The following RGS7 variants were observed in gnomAD, a reference collection of about 807,000 sequenced individuals.
The protein encoded by RGS7 is regulator of G protein signaling 7, also known as regulator of G-protein signaling 7.
Under a neutral mutation model 81.1 loss-of-function variants are expected in RGS7, and 27 were observed. That is an observed-to-expected ratio of 0.33 (90% CI 0.25 to 0.46). RGS7 has a LOEUF of 0.46. RGS7 is among the 20% of genes least tolerant of loss of function. The pLI is 1.00. For missense variants in RGS7, 396 were observed against 607.4 expected (o/e 0.65, Z 3.66); for synonymous variants, 208 against 207.7 (o/e 1.00, Z -0.01).
intron 4 of RGS7, among the ~76,000 whole-genome samples, chr1:240,971,932 G>A (rs971807511): frequency 1.7e-4 from 26 of 152,280 alleles, no homozygotes; most frequent in Non-Finnish European, 3.2e-4. Context: ...TATTTTAAAT[G>A]CTTCTACCGC....
intron 3 of RGS7, among the ~76,000 whole-genome samples, chr1:241,048,875 C>T (rs2061093243): frequency 6.6e-6 from 1 of 152,200 alleles, no homozygotes; most frequent in Non-Finnish European, 1.5e-5. Context: ...CGGGACCACA[C>T]TGCCTCTGAA....
chr1:241,212,710 GC>G (rs779726349), intron 2 of RGS7, among the ~76,000 whole-genome samples: 1 of 152,140 alleles, frequency 6.6e-6, no homozygotes, highest in African/African-American at 2.4e-5. Context: ...TCGGCCATTT[GC>G]CCGAGGTGCC....
intron 10 of RGS7, among the ~76,000 whole-genome samples, chr1:240,820,831 C>T (rs912441561): frequency 6.6e-6 from 1 of 152,126 alleles, no homozygotes; most frequent in Non-Finnish European, 1.5e-5. Context: ...TTTGTCACAG[C>T]AACTCAAACA....
At chr1:241,160,850 T>C (rs1558141998) in intron 2 of RGS7, among the ~76,000 whole-genome samples, 1 of 152,120 alleles carries the variant, frequency 6.6e-6, no homozygotes, top group Non-Finnish European at 1.5e-5. Flanking sequence ...TATCAAACCA[T>C]CCCGGCCTTG....
chr1:240,972,718 A>C (rs1324386206), intron 4 of RGS7, among the ~76,000 whole-genome samples: 1 of 114,876 alleles, frequency 8.7e-6, no homozygotes, highest in Non-Finnish European at 1.9e-5. Flanking sequence ...AAACAAAAAA[A>C]AAAACCCAAA....
chr1:240,983,551 G>C (rs1049730996), intron 3 of RGS7, among the ~76,000 whole-genome samples: 1 of 152,120 alleles, frequency 6.6e-6, no homozygotes, highest in Non-Finnish European at 1.5e-5. Context: ...AACCAAATTT[G>C]TTTTTGGTTT....
chr1:241,127,364 A>G (rs1192504433), intron 2 of RGS7, among the ~76,000 whole-genome samples: 1 of 152,216 alleles, frequency 6.6e-6, no homozygotes, highest in African/African-American at 2.4e-5. Flanking sequence ...GCACAATTCT[A>G]TGAAGCTAAG....
chr1:241,230,573 C>A (rs2075600501), intron 2 of RGS7, among the ~76,000 whole-genome samples: 1 of 152,214 alleles, frequency 6.6e-6, no homozygotes, highest in Non-Finnish European at 1.5e-5. Flanking sequence ...GGCCCATCAA[C>A]AATGGAGCCC....
rs868262876 is a variant in RGS7, at chr1:241,156,145, G to C, written c.79-57383C>G. ...AAAGATAAATGATGATAGATAGATA[G>C]ATAGATAGATAGATAGATAGATAGA... On this transcript the variant is annotated intron_variant, in intron 2 of 18. Transcript: ENST00000440928. 1.3e-3 allele frequency among the ~76,000 whole-genome samples: 200 copies of C among 150,400 alleles called. 2 individuals carry two copies. The highest frequency in any genetic ancestry group is 2.3e-3 in the Non-Finnish European group (155 of 67,826).
At chr1:241,326,598 C>G (rs1489818185) in intron 2 of RGS7, among the ~76,000 whole-genome samples, 1 of 150,714 alleles carries the variant, frequency 6.6e-6, no homozygotes, top group African/African-American at 2.4e-5. Context: ...TAGAAAGACA[C>G]ATTAAATGTC....
At chr1:241,078,808 A>G (rs2062972197) in intron 3 of RGS7, among the ~76,000 whole-genome samples, 1 of 152,056 alleles carries the variant, frequency 6.6e-6, no homozygotes. Context: ...TATGACCAAA[A>G]CACTTTCACA....
At chr1:241,327,233 G>T (rs754970422) in intron 2 of RGS7, among the ~76,000 whole-genome samples, 1 of 151,958 alleles carries the variant, frequency 6.6e-6, no homozygotes, top group Non-Finnish European at 1.5e-5. Flanking sequence ...TGCCATGTAG[G>T]CCCTTATACT....
chr1:240,828,708 G>A (rs7534230), intron 9 of RGS7, among the ~76,000 whole-genome samples: 5,856 of 152,186 alleles, frequency 0.038, 161 homozygotes, highest in African/African-American at 0.075. Flanking sequence ...AATGGCTTGA[G>A]CCCAGGAGGT....
chr1:241,235,630 CTTTT>C (rs796620027), intron 2 of RGS7, among the ~76,000 whole-genome samples: 38,565 of 123,472 alleles, frequency 0.31, 4,793 homozygotes, highest in South Asian at 0.38. Context: ...CCTTTTCTCT[CTTTT>C]TTCTTTTTTC....
intron 18 of RGS7, among the ~76,000 whole-genome samples, chr1:240,791,117 T>G (rs1272929137): frequency 6.6e-6 from 1 of 152,200 alleles, no homozygotes; most frequent in African/African-American, 2.4e-5. Flanking sequence ...TGATGAACTT[T>G]TTTTCCCCCA....
intron 3 of RGS7, among the ~76,000 whole-genome samples, chr1:241,039,133 C>A (rs1413949818): frequency 6.6e-6 from 1 of 151,952 alleles, no homozygotes; most frequent in Non-Finnish European, 1.5e-5. Flanking sequence ...CAGATTTCCC[C>A]CATTTCTGAA....
intron 2 of RGS7, among the ~76,000 whole-genome samples, chr1:241,222,878 T>C (rs1325254992): frequency 2.8e-5 from 4 of 143,868 alleles, no homozygotes; most frequent in Non-Finnish European, 6.1e-5. Context: ...TGTGTTCTCA[T>C]TGTTTAACTC....
chr1:240,916,782 C>T (rs562983101), intron 6 of RGS7, among the ~76,000 whole-genome samples: 1 of 152,288 alleles, frequency 6.6e-6, no homozygotes, highest in Non-Finnish European at 1.5e-5. Context: ...GTAGCCAGAG[C>T]ACTTCTACCC....
intron 2 of RGS7, among the ~76,000 whole-genome samples, chr1:241,137,581 C>T (rs1170995867): frequency 6.6e-6 from 1 of 152,182 alleles, no homozygotes; most frequent in Non-Finnish European, 1.5e-5. Context: ...GCTGTCCTAG[C>T]AGGCTGCTGG....
Sources: allele counts gnomAD v4.1 joint callset (sites outside exome capture counted in the v4.1 genomes callset), GRCh38; gene constraint gnomAD v4.1.1; transcripts MANE v1.5; gene names NCBI Gene and HGNC (gene_info 2026-07-23, HGNC 2026-07-21).